AUTS2: variants seen among roughly 807,000 people sequenced by gnomAD.
The protein encoded by AUTS2 is autism susceptibility gene 2 protein.
A neutral mutation model predicts 112.4 loss-of-function variants in AUTS2; 17 were observed. The observed-to-expected ratio is 0.15, with a 90% confidence interval of 0.10 to 0.23. The LOEUF (loss-of-function observed/expected upper bound fraction) is 0.23, where lower values mean the gene tolerates loss of function less well. Among genes scored for constraint, AUTS2 ranks in the 10% least tolerant of loss-of-function variants. The probability of loss-of-function intolerance (pLI) is 1.00; values close to 1 mark genes in which losing one functional copy is unlikely to be tolerated. For synonymous variants in AUTS2, 751 were observed against 702.7 expected, an observed-to-expected ratio of 1.07 and a Z score of -1.09; for missense variants, 1,510 against 1,701.6, an observed-to-expected ratio of 0.89 and a Z score of 1.98.
intron 5 of AUTS2, among the ~76,000 whole-genome samples, chr7:70,520,082 C>T (rs980575981): frequency 3.3e-5 from 5 of 152,140 alleles, no homozygotes; most frequent in Admixed American, 3.3e-4. Flanking sequence ...TTAATGGTGC[C>T]TTCTGAAGCA....
intron 2 of AUTS2, among the ~76,000 whole-genome samples, chr7:70,005,134 T>A (rs75268304): frequency 0.013 from 1,921 of 151,278 alleles, 22 homozygotes; most frequent in East Asian, 0.06. Flanking sequence ...TTTGAAATAT[T>A]TTTTTTTTAA....
intron 1 of AUTS2, among the ~76,000 whole-genome samples, chr7:69,627,942 T>C (rs1794036498): frequency 1.3e-5 from 2 of 152,218 alleles, no homozygotes; most frequent in African/African-American, 4.8e-5. Flanking sequence ...ATGTCATTTT[T>C]GTGGGATAAT....
At chr7:69,850,168 A>T (rs1317192158) in intron 1 of AUTS2, among the ~76,000 whole-genome samples, 1 of 151,580 alleles carries the variant, frequency 6.6e-6, no homozygotes, top group African/African-American at 2.4e-5. Context: ...GCGTAGTGGC[A>T]TGCGCCTGTA....
intron 5 of AUTS2, among the ~76,000 whole-genome samples, chr7:70,490,833 A>G (rs1798201784): frequency 6.6e-6 from 1 of 152,224 alleles, no homozygotes; most frequent in South Asian, 2.1e-4. Context: ...CCATGATATC[A>G]TCCTTTCCAC....
At chr7:69,614,368 T>TCTTTCTTTCTTTC (rs1474509971) in intron 1 of AUTS2, among the ~76,000 whole-genome samples, 3 of 19,530 alleles carry the variant, frequency 1.5e-4, no homozygotes, top group Non-Finnish European at 3.3e-4. Flanking sequence ...TTCTTTCTTT[T>TCTTTCTTTCTTTC]TTTAAGAGAT....
At chr7:70,518,638 G>A (rs942220131) in intron 5 of AUTS2, among the ~76,000 whole-genome samples, 35 of 151,456 alleles carry the variant, frequency 2.3e-4, no homozygotes, top group African/African-American at 2.7e-4. Flanking sequence ...AGCCGAGATC[G>A]CGCCACTGCA....
At chr7:69,861,187 T>C (rs1792965687) in intron 1 of AUTS2, among the ~76,000 whole-genome samples, 1 of 152,208 alleles carries the variant, frequency 6.6e-6, no homozygotes. Flanking sequence ...GAAGTAATGC[T>C]GCTGCTCTCC....
chr7:70,136,097 G>A (rs1806547044), intron 4 of AUTS2, among the ~76,000 whole-genome samples: 1 of 151,980 alleles, frequency 6.6e-6, no homozygotes, highest in South Asian at 2.1e-4. Flanking sequence ...GCTTTTTGCA[G>A]TTATTTTTCT....
At chr7:70,532,597 C>T (rs1470810712) in intron 5 of AUTS2, among the ~76,000 whole-genome samples, 2 of 152,150 alleles carry the variant, frequency 1.3e-5, no homozygotes, top group Non-Finnish European at 2.9e-5. Context: ...TTCCTGCATT[C>T]GCGTATCCAG....
intron 4 of AUTS2, among the ~76,000 whole-genome samples, chr7:70,155,924 T>G (rs1284751902): frequency 6.6e-6 from 1 of 152,194 alleles, no homozygotes; most frequent in Admixed American, 6.5e-5. Context: ...AGGCAGGAAG[T>G]GATACCAGTT....
At chr7:70,648,927 T>TAA (rs1806328122) in intron 5 of AUTS2, among the ~76,000 whole-genome samples, 1 of 152,170 alleles carries the variant, frequency 6.6e-6, no homozygotes. Context: ...AACAGGGTGC[T>TAA]AAAATGAGTT....
intron 2 of AUTS2, among the ~76,000 whole-genome samples, chr7:69,947,246 G>C (rs1337758195): frequency 3.9e-5 from 6 of 152,116 alleles, no homozygotes; most frequent in African/African-American, 1.4e-4. Context: ...AGGCTTGGAG[G>C]GAAATAGTGC....
At chr7:70,376,025 A>G (rs1562921121) in intron 4 of AUTS2, among the ~76,000 whole-genome samples, 1 of 152,114 alleles carries the variant, frequency 6.6e-6, no homozygotes, top group Non-Finnish European at 1.5e-5. Context: ...TCGTTAAAAA[A>G]AAAAAAAAGA....
chr7:70,580,896 C>T (rs1585328387), intron 5 of AUTS2, among the ~76,000 whole-genome samples: 1 of 152,232 alleles, frequency 6.6e-6, no homozygotes, highest in South Asian at 2.1e-4. Flanking sequence ...TGTGCATTTG[C>T]CTCAGAAGAT....
chr7:70,001,011 G>T (rs1344245197), intron 2 of AUTS2, among the ~76,000 whole-genome samples: 1 of 152,182 alleles, frequency 6.6e-6, no homozygotes, highest in Non-Finnish European at 1.5e-5. Flanking sequence ...GTTGAATTAA[G>T]CTTGGGCTTT....
chr7:70,482,618 G>C (rs994211533), intron 5 of AUTS2, among the ~76,000 whole-genome samples: 3 of 152,124 alleles, frequency 2.0e-5, no homozygotes, highest in South Asian at 2.1e-4. Context: ...GAGGGATTTG[G>C]GGGGAGGGCC....
chr7:69,673,134 C>A (rs1168543607), intron 1 of AUTS2, among the ~76,000 whole-genome samples: 1 of 151,936 alleles, frequency 6.6e-6, no homozygotes, highest in Non-Finnish European at 1.5e-5. Context: ...TGTTACTAGC[C>A]CTAGATACTT....
intron 1 of AUTS2, among the ~76,000 whole-genome samples, chr7:69,632,615 C>A (rs963864305): frequency 6.9e-6 from 1 of 144,618 alleles, no homozygotes; most frequent in Non-Finnish European, 1.5e-5. Flanking sequence ...CTCCCCTCTT[C>A]CCTCTCTGTT....
intron 4 of AUTS2, among the ~76,000 whole-genome samples, chr7:70,358,037 G>T (rs1333399021): frequency 1.3e-5 from 2 of 152,188 alleles, no homozygotes; most frequent in Non-Finnish European, 2.9e-5. Context: ...GTCCACTCCG[G>T]ATGACGTGGG....
Sources: gnomAD v4.1 joint callset for allele counts (sites outside exome capture counted in the v4.1 genomes callset) on GRCh38, gnomAD v4.1.1 for gene constraint, MANE v1.5 for transcripts, NCBI Gene and HGNC (gene_info 2026-07-23, HGNC 2026-07-21) for gene names.